SHISA9: variants seen among roughly 807,000 people sequenced by gnomAD.
SHISA9 encodes the protein protein shisa-9.
Under a neutral mutation model 38.0 loss-of-function variants are expected in SHISA9, and 13 were observed. The ratio of observed to expected loss-of-function variants is 0.34; its 90% CI spans 0.22 to 0.54. The LOEUF (loss-of-function observed/expected upper bound fraction) is 0.54. Ranked by LOEUF, SHISA9 falls within the 20% of genes least tolerant of loss-of-function variation. The probability of loss-of-function intolerance (pLI) is 0.91; values close to 1 mark genes in which losing one functional copy is unlikely to be tolerated. For synonymous variants in SHISA9, 275 were observed against 242.0 expected, an observed-to-expected ratio of 1.14 and a Z score of -1.27; for missense variants, 538 against 575.8, an observed-to-expected ratio of 0.93 and a Z score of 0.67.
chr16:13,226,206 T>TATGAAAACAGGTTTTC (rs2051277907), intron 4 of SHISA9, among the ~76,000 whole-genome samples: 2 of 152,336 alleles, frequency 1.3e-5, no homozygotes, highest in South Asian at 4.1e-4. Context: ...ACAGAAACAT[T>TATGAAAACAGGTTTTC]ATGAAAACAG....
intron 2 of SHISA9, among the ~76,000 whole-genome samples, chr16:13,101,083 G>A (rs569408774): frequency 7.0e-4 from 107 of 152,248 alleles, no homozygotes; most frequent in African/African-American, 2.5e-3. Context: ...TTAGTATCAC[G>A]CCTTTCAGGT....
intron 1 of SHISA9, chr16:12,909,722 C>A: frequency 2.9e-6 from 1 of 350,776 alleles, no homozygotes; most frequent in Non-Finnish European, 4.0e-6. Context: ...TCCAGCCCAT[C>A]ACCCAGTCAG....
the SHISA9 span, among the ~76,000 whole-genome samples, chr16:13,258,177 A>G: frequency 6.6e-6 from 1 of 152,194 alleles, no homozygotes; most frequent in East Asian, 1.9e-4. Context: ...TAAAGGTTTG[A>G]TTACCTTGAA....
At chr16:13,384,898 G>A in the SHISA9 span, among the ~76,000 whole-genome samples, 2 of 152,122 alleles carry the variant, frequency 1.3e-5, no homozygotes, top group African/African-American at 4.8e-5. Flanking sequence ...GCTCCAAACT[G>A]GGAGAAAATA....
At chr16:13,546,990 G>A in the SHISA9 span, among the ~76,000 whole-genome samples, 1 of 151,992 alleles carries the variant, frequency 6.6e-6, no homozygotes, top group African/African-American at 2.4e-5. Flanking sequence ...CCTCACCCTG[G>A]GCCAACATTC....
the SHISA9 span, among the ~76,000 whole-genome samples, chr16:13,273,436 AAG>A: frequency 6.6e-6 from 1 of 152,114 alleles, no homozygotes; most frequent in African/African-American, 2.4e-5. Context: ...GATAGCGAAT[AAG>A]TCTCATGAGA....
At chr16:12,984,169 C>T (rs534905541) in intron 2 of SHISA9, among the ~76,000 whole-genome samples, 109 of 152,304 alleles carry the variant, frequency 7.2e-4, no homozygotes, top group African/African-American at 2.6e-3. Context: ...ATGGCCAGTG[C>T]ACTCATCCCC....
chr16:13,465,095 A>G, the SHISA9 span, among the ~76,000 whole-genome samples: 2 of 152,196 alleles, frequency 1.3e-5, no homozygotes, highest in East Asian at 1.9e-4. Flanking sequence ...TTTGGAAGAA[A>G]TAATGATCTA....
intron 2 of SHISA9, among the ~76,000 whole-genome samples, chr16:12,976,645 G>C (rs1258544371): frequency 6.6e-6 from 1 of 152,106 alleles, no homozygotes; most frequent in Non-Finnish European, 1.5e-5. Context: ...AATCATTTTA[G>C]GTGTTCTAAG....
chr16:13,541,098 A>G, the SHISA9 span, among the ~76,000 whole-genome samples: 3 of 152,166 alleles, frequency 2.0e-5, no homozygotes, highest in Middle Eastern at 3.2e-3. Context: ...ATTTTTCTGT[A>G]TTGTAACTGT....
chr16:13,392,981 G>A, the SHISA9 span, among the ~76,000 whole-genome samples: 5,431 of 152,296 alleles, frequency 0.036, 175 homozygotes, highest in African/African-American at 0.088. Flanking sequence ...GAAACAGGTC[G>A]TGGTACCTTG....
intron 2 of SHISA9, among the ~76,000 whole-genome samples, chr16:12,998,319 A>AT (rs1423550944): frequency 6.6e-6 from 1 of 152,202 alleles, no homozygotes; most frequent in Non-Finnish European, 1.5e-5. Context: ...GACAATTGAC[A>AT]TTTATTTCTT....
the SHISA9 span, among the ~76,000 whole-genome samples, chr16:13,526,610 C>A: frequency 2.0e-5 from 3 of 151,934 alleles, no homozygotes; most frequent in Non-Finnish European, 2.9e-5. Context: ...GGTCTCGAAC[C>A]CCTGATCTCA....
intron 2 of SHISA9, among the ~76,000 whole-genome samples, chr16:13,193,584 G>C (rs1046696125): frequency 3.3e-5 from 5 of 152,324 alleles, no homozygotes; most frequent in African/African-American, 9.6e-5. Flanking sequence ...GACCTCAGGT[G>C]ATCCACCCGC....
At chr16:13,355,022 G>A in the SHISA9 span, among the ~76,000 whole-genome samples, 1 of 144,144 alleles carries the variant, frequency 6.9e-6, no homozygotes, top group Non-Finnish European at 1.5e-5. Flanking sequence ...GATTAAGGGT[G>A]CAAAGGAATA....
chr16:13,471,680 T>TTTGA, the SHISA9 span, among the ~76,000 whole-genome samples: 45,876 of 151,854 alleles, frequency 0.3, 7,143 homozygotes, highest in East Asian at 0.38. Context: ...TGCAGTGGAC[T>TTTGA]TTGAGCAAGA....
At chr16:13,440,962 C>A in the SHISA9 span, among the ~76,000 whole-genome samples, 1 of 151,944 alleles carries the variant, frequency 6.6e-6, no homozygotes, top group Admixed American at 6.6e-5. Flanking sequence ...ATTCCAGATC[C>A]CGGGAGGGAT....
chr16:13,204,086 A>T (rs1300360397), intron 3 of SHISA9, among the ~76,000 whole-genome samples: 1 of 151,858 alleles, frequency 6.6e-6, no homozygotes, highest in Non-Finnish European at 1.5e-5. Context: ...CTTATCTATT[A>T]TCTATCTATA....
At chr16:13,038,547 C>T (rs1313604640) in intron 2 of SHISA9, among the ~76,000 whole-genome samples, 2 of 152,226 alleles carry the variant, frequency 1.3e-5, no homozygotes, top group African/African-American at 4.8e-5. Context: ...GCACGTACTG[C>T]TCCTACTGAC....
Sources: gnomAD v4.1 joint callset for allele counts (sites outside exome capture counted in the v4.1 genomes callset) on GRCh38, gnomAD v4.1.1 for gene constraint, MANE v1.5 for transcripts, NCBI Gene and HGNC (gene_info 2026-07-23, HGNC 2026-07-21) for gene names.